ELAVL2: variants seen among roughly 807,000 people sequenced by gnomAD.
ELAVL2 encodes the protein ELAV like RNA binding protein 2.
A neutral mutation model predicts 34.6 loss-of-function variants in ELAVL2; 4 were observed. That is an observed-to-expected ratio of 0.12 (90% CI 0.06 to 0.26). The LOEUF (loss-of-function observed/expected upper bound fraction) is 0.26. ELAVL2 is among the 10% of genes least tolerant of loss of function. The pLI, the probability that ELAVL2 is intolerant of heterozygous loss-of-function variation, is 1.00. For synonymous variants in ELAVL2, 193 were observed against 154.8 expected, an observed-to-expected ratio of 1.25 and a Z score of -1.83; for missense variants, 432 against 442.8, an observed-to-expected ratio of 0.98 and a Z score of 0.22.
At chr9:23,808,336 C>T (rs1484230655) in intron 1 of ELAVL2, among the ~76,000 whole-genome samples, 20 of 152,068 alleles carry the variant, frequency 1.3e-4, no homozygotes, top group Admixed American at 1.3e-3. Context: ...TTCATATCAG[C>T]AGGGAGTATA....
At chr9:23,731,800 G>A (rs2046628531) in intron 2 of ELAVL2, among the ~76,000 whole-genome samples, 1 of 152,066 alleles carries the variant, frequency 6.6e-6, no homozygotes. Context: ...AGGAAAAGAA[G>A]AAATAGAACA....
At chr9:23,708,650 T>C (rs567457697) in intron 3 of ELAVL2, among the ~76,000 whole-genome samples, 1 of 152,196 alleles carries the variant, frequency 6.6e-6, no homozygotes. Flanking sequence ...TATTCCACTT[T>C]TTATTATTTT....
At chr9:23,790,874 C>G (rs1477050063) in intron 1 of ELAVL2, among the ~76,000 whole-genome samples, 1 of 152,154 alleles carries the variant, frequency 6.6e-6, no homozygotes, top group African/African-American at 2.4e-5. Flanking sequence ...ACAAACATCG[C>G]AGGTCTCCTG....
chr9:23,842,584 A>G, the ELAVL2 span, among the ~76,000 whole-genome samples: 3 of 152,080 alleles, frequency 2.0e-5, no homozygotes, highest in African/African-American at 7.2e-5. Flanking sequence ...ATATATAGGA[A>G]ATTTCCTTTT....
chr9:23,820,351 G>C (rs2064386225), intron 1 of ELAVL2, among the ~76,000 whole-genome samples: 3 of 152,272 alleles, frequency 2.0e-5, no homozygotes, highest in Middle Eastern at 6.8e-3. Context: ...AAGCGCTTTT[G>C]TCCTTGCCGA....
At chr9:23,731,500 T>C (rs1323170253) in intron 2 of ELAVL2, among the ~76,000 whole-genome samples, 1 of 152,176 alleles carries the variant, frequency 6.6e-6, no homozygotes, top group Non-Finnish European at 1.5e-5. Context: ...TTCAGTTTCC[T>C]TAGCCATAAA....
At chr9:23,811,349 C>T (rs114418006) in intron 1 of ELAVL2, among the ~76,000 whole-genome samples, 1 of 150,982 alleles carries the variant, frequency 6.6e-6, no homozygotes, top group East Asian at 1.9e-4. Flanking sequence ...AAAAAACCCA[C>T]GAAACAGTAA....
At chr9:23,810,355 T>A (rs543171305) in intron 1 of ELAVL2, among the ~76,000 whole-genome samples, 4 of 152,060 alleles carry the variant, frequency 2.6e-5, no homozygotes, top group Non-Finnish European at 5.9e-5. Context: ...GAGGAACAAG[T>A]TGTGGGCATA....
intron 1 of ELAVL2, 48 bp downstream of exon 1, chr9:23,825,758 C>A (rs1163459548): frequency 1.3e-5 from 2 of 152,218 alleles, no homozygotes; most frequent in Non-Finnish European, 1.5e-5. Context: ...CTGGGTTTGC[C>A]AGCGCATCGC....
the ELAVL2 span, among the ~76,000 whole-genome samples, chr9:23,848,166 G>A: frequency 9.5e-4 from 145 of 152,126 alleles, 1 homozygote; most frequent in African/African-American, 3.3e-3. Flanking sequence ...TGTTAGTATA[G>A]TTCAGGATTA....
At chr9:23,729,209 G>A (rs1194046900) in intron 3 of ELAVL2, among the ~76,000 whole-genome samples, 2 of 152,128 alleles carry the variant, frequency 1.3e-5, no homozygotes, top group Non-Finnish European at 1.5e-5. Context: ...AATGAAATAA[G>A]GGTAATTATT....
intron 3 of ELAVL2, among the ~76,000 whole-genome samples, chr9:23,726,768 G>C (rs1382634113): frequency 6.6e-6 from 1 of 151,864 alleles, no homozygotes; most frequent in African/African-American, 2.4e-5. Context: ...AACCTAACAA[G>C]TCAAAAGTAT....
intron 2 of ELAVL2, among the ~76,000 whole-genome samples, chr9:23,736,602 G>C (rs1318143052): frequency 6.6e-6 from 1 of 152,146 alleles, no homozygotes; most frequent in East Asian, 1.9e-4. Context: ...AGATGTGCAA[G>C]ACGTTCCAGC....
chr9:23,790,725 T>G (rs1243128613), intron 1 of ELAVL2, among the ~76,000 whole-genome samples: 1 of 152,248 alleles, frequency 6.6e-6, no homozygotes, highest in Non-Finnish European at 1.5e-5. Flanking sequence ...TTTAATTTTA[T>G]GTTTTATATA....
intron 1 of ELAVL2, among the ~76,000 whole-genome samples, chr9:23,778,549 T>A (rs2058583973): frequency 6.6e-6 from 1 of 152,146 alleles, no homozygotes; most frequent in Non-Finnish European, 1.5e-5. Flanking sequence ...TCTTTCCAGC[T>A]CTCCCAATAC....
At chr9:23,839,168 CA>C in the ELAVL2 span, among the ~76,000 whole-genome samples, 1 of 151,612 alleles carries the variant, frequency 6.6e-6, no homozygotes, top group Non-Finnish European at 1.5e-5. Context: ...GAAAAAATAC[CA>C]AAATAACAGA....
intron 2 of ELAVL2, among the ~76,000 whole-genome samples, chr9:23,751,944 G>C (rs1447775359): frequency 6.6e-6 from 1 of 152,084 alleles, no homozygotes; most frequent in Non-Finnish European, 1.5e-5. Context: ...TTCTTACTTT[G>C]TTCCACCCCT....
chr9:23,731,926 C>T (rs1289308770), intron 2 of ELAVL2, among the ~76,000 whole-genome samples: 1 of 152,112 alleles, frequency 6.6e-6, no homozygotes, highest in Non-Finnish European at 1.5e-5. Context: ...TCACTGATGC[C>T]CTAGATCTCA....
the ELAVL2 span, among the ~76,000 whole-genome samples, chr9:23,838,547 T>C: frequency 3.9e-5 from 6 of 152,174 alleles, no homozygotes; most frequent in Admixed American, 6.6e-5. Context: ...TACCATTTTT[T>C]TAGACAACAA....
Sources: gnomAD v4.1 joint callset for allele counts (sites outside exome capture counted in the v4.1 genomes callset) on GRCh38, gnomAD v4.1.1 for gene constraint, MANE v1.5 for transcripts, NCBI Gene and HGNC (gene_info 2026-07-23, HGNC 2026-07-21) for gene names.